CFTR: variants seen among roughly 807,000 people sequenced by gnomAD.
CFTR encodes CF transmembrane conductance regulator.
In CFTR, 181 loss-of-function variants were observed where a neutral mutation model predicts 171.6. The observed-to-expected ratio is 1.05, with a 90% confidence interval of 0.93 to 1.19. The LOEUF (loss-of-function observed/expected upper bound fraction) is 1.19, where lower values mean the gene tolerates loss of function less well. Ranked by LOEUF, CFTR falls within the 50% of genes most tolerant of loss-of-function variation. CFTR has a pLI of 0.00. For missense variants in CFTR, 1,968 were observed against 1,734.7 expected (o/e 1.13, Z -2.39); for synonymous variants, 583 against 608.0 (o/e 0.96, Z 0.60).
intron 1 of CFTR, among the ~76,000 whole-genome samples, chr7:117,484,774 T>C (rs1411323212): frequency 6.6e-6 from 1 of 151,720 alleles, no homozygotes; most frequent in Non-Finnish European, 1.5e-5. Flanking sequence ...ATTTTGCAAA[T>C]TTTAAAAAGT....
At position 117,610,786 on chromosome 7, in the gene CFTR, C is replaced by A. The variant is rs1195264431; in HGVS notation, c.3139+117C>A. 4.6e-6 allele frequency: 5 copies of A among 1,081,902 alleles called. No homozygotes were observed. In the East Asian group the frequency reaches 1.0e-4, roughly 23 times the overall value. 67.0% of individuals were successfully genotyped at this position (1,081,902 alleles called of 1,614,324 possible). A position where few individuals can be genotyped will look rare whatever the true frequency, so the allele number is the denominator to read the frequency against. ...GCTTTTAAACTTTTACATCATATAA[C>A]AATAATTTTTTTCTACATGCATGTG... On this transcript the variant is annotated intron_variant, in intron 19 of 26. Coordinates refer to ENST00000003084, the MANE Select transcript of CFTR (RefSeq NM_000492.4).
chr7:117,584,768 C>A (rs1026922433), intron 11 of CFTR, among the ~76,000 whole-genome samples: 3 of 151,998 alleles, frequency 2.0e-5, no homozygotes, highest in African/African-American at 7.2e-5. Flanking sequence ...GCAGTATGGT[C>A]ATTTTCATAG....
intron 22 of CFTR, among the ~76,000 whole-genome samples, chr7:117,636,129 C>G (rs1379965872): frequency 6.6e-6 from 1 of 152,122 alleles, no homozygotes; most frequent in Non-Finnish European, 1.5e-5. Context: ...AATAATTCCA[C>G]AGGGCACAGA....
At chr7:117,638,037 C>T (rs375644108) in intron 22 of CFTR, among the ~76,000 whole-genome samples, 39 of 152,294 alleles carry the variant, frequency 2.6e-4, no homozygotes, top group Middle Eastern at 3.4e-3. Flanking sequence ...CTTGCTCTCA[C>T]ATCATGCACA....
rs573468076 is a variant in CFTR, at chr7:117,576,322, C to T, written c.1585-11417C>T. Among the ~76,000 whole-genome samples the T allele has an allele frequency of 6.6e-5, 10 of 152,186 alleles. No individual in the cohort carries two copies. In the South Asian group the frequency reaches 1.9e-3, roughly 28 times the overall value. ...GAATTGAACATGTACATACATTTTG[C>T]TTGTCATTATTCCCTAAACAATATA... On this transcript the variant is annotated intron_variant, in intron 11 of 26. Transcript: ENST00000003084.
chr7:117,614,550 T>A, intron 20 of CFTR, 63 bp from the exon 21 acceptor site: 1 of 1,018,646 alleles, frequency 9.8e-7, no homozygotes, highest in Non-Finnish European at 1.6e-6. Flanking sequence ...GAAGTGTGAA[T>A]AAAGTCGTTC....
intron 3 of CFTR, among the ~76,000 whole-genome samples, chr7:117,512,092 T>C (rs998760977): frequency 6.6e-6 from 1 of 152,288 alleles, no homozygotes; most frequent in African/African-American, 2.4e-5. Context: ...TAAACAATGA[T>C]AGTTGTGGCA....
chr7:117,540,037 A>G, intron 7 of CFTR, 63 bp from the exon 8 acceptor site: 1 of 1,409,084 alleles, frequency 7.1e-7, no homozygotes. Context: ...CTTCCATTCC[A>G]AGATCCCTGA....
At chr7:117,486,385 G>T (rs533797949) in intron 1 of CFTR, among the ~76,000 whole-genome samples, 155 of 152,074 alleles carry the variant, frequency 1.0e-3, no homozygotes, top group Non-Finnish European at 1.8e-3. Context: ...CTGCCTTTAT[G>T]GAACAAATTA....
At chr7:117,625,314 C>T (rs552140010) in intron 21 of CFTR, among the ~76,000 whole-genome samples, 39 of 152,238 alleles carry the variant, frequency 2.6e-4, no homozygotes, top group Non-Finnish European at 4.3e-4. Context: ...TTGGTACATT[C>T]CATTTGTCAC....
At position 117,536,602 on chromosome 7, in the gene CFTR, T is replaced by A. The variant is rs2116678632; in HGVS notation, c.798T>A (p.Ile266=). ...GACTTGTGATTACCTCAGAAATGAT[T>A]GAAAATATCCAATCTGTTAAGGCAT... ...SERLVITSEM[I]ENIQSVKAYC... The change falls in exon 7 of 27, where the codon ATT becomes ATA. Residue 266 remains isoleucine, a synonymous_variant. Coordinates refer to ENST00000003084, the MANE Select transcript of CFTR (RefSeq NM_000492.4). 6.2e-7 allele frequency: 1 copy of A among 1,609,854 alleles called. No individual in the cohort carries two copies. The highest frequency in any genetic ancestry group is 8.5e-7 in the Non-Finnish European group (1 of 1,178,020).
chr7:117,587,907 T>G, intron 12 of CFTR, 74 bp downstream of exon 12: 1 of 906,318 alleles, frequency 1.1e-6, no homozygotes, highest in Non-Finnish European at 1.8e-6. Flanking sequence ...CAGACATTTC[T>G]CTATTGCTTT....
At chr7:117,563,393 A>C (rs1211859218) in intron 11 of CFTR, among the ~76,000 whole-genome samples, 1 of 152,192 alleles carries the variant, frequency 6.6e-6, no homozygotes, top group Non-Finnish European at 1.5e-5. Context: ...GGAAGAGACA[A>C]GAGTTACATA....
intron 1 of CFTR, among the ~76,000 whole-genome samples, chr7:117,499,429 CTGTGTGTGTG>C (rs56985019): frequency 1.5e-4 from 20 of 135,928 alleles, no homozygotes; most frequent in Middle Eastern, 3.5e-3. Context: ...ATAGTTTCAT[CTGTGTGTGTG>C]TGTGTGTGTG....
chr7:117,569,877 CAG>C (rs1374386226), intron 11 of CFTR, among the ~76,000 whole-genome samples: 1 of 152,124 alleles, frequency 6.6e-6, no homozygotes, highest in East Asian at 1.9e-4. Flanking sequence ...ATTCTACAAA[CAG>C]AGGGCACAGT....
chr7:117,561,802 A>G (rs1411518441), intron 11 of CFTR, among the ~76,000 whole-genome samples: 1 of 152,194 alleles, frequency 6.6e-6, no homozygotes, highest in African/African-American at 2.4e-5. Context: ...TTACAGGAGT[A>G]AAATGAGGTA....
rs1166706132 is a variant in CFTR, at chr7:117,650,623, C to T, written c.3874-2219C>T. On this transcript the variant is annotated intron_variant, in intron 23 of 26. Coordinates refer to ENST00000003084, the MANE Select transcript of CFTR (RefSeq NM_000492.4). ...GTCCTCCATGATAATGCCATTATTCCGTTTCAAATTGTGTGCTTCCATTGG... is the reference window on the plus strand; with the variant it reads ...GTCCTCCATGATAATGCCATTATTCTGTTTCAAATTGTGTGCTTCCATTGG... 2.0e-5 allele frequency among the ~76,000 whole-genome samples: 3 copies of T among 151,834 alleles called. No homozygotes were observed. In the East Asian group the frequency reaches 5.8e-4, roughly 29 times the overall value.
At chr7:117,589,357 T>A (rs1010786224) in intron 12 of CFTR, among the ~76,000 whole-genome samples, 9 of 151,996 alleles carry the variant, frequency 5.9e-5, no homozygotes, top group South Asian at 2.1e-4. Context: ...TTTAAAAAAA[T>A]TTTTAAATTG....
At chr7:117,616,013 T>C (rs970120942) in intron 21 of CFTR, among the ~76,000 whole-genome samples, 2 of 152,112 alleles carry the variant, frequency 1.3e-5, no homozygotes, top group Admixed American at 1.3e-4. Flanking sequence ...ACAGTGTTCA[T>C]GTTCCCAAAC....
Sources: gnomAD v4.1 joint callset for allele counts (sites outside exome capture counted in the v4.1 genomes callset) on GRCh38, gnomAD v4.1.1 for gene constraint, MANE v1.5 for transcripts, NCBI Gene and HGNC (gene_info 2026-07-23, HGNC 2026-07-21) for gene names.